Variants in FCHSD2 observed in about 807,000 individuals in gnomAD.
FCHSD2 encodes the protein F-BAR and double SH3 domains protein 2.
In FCHSD2, 38 loss-of-function variants were observed where a neutral mutation model predicts 108.1. The observed-to-expected ratio is 0.35, with a 90% CI of 0.27 to 0.46. FCHSD2 has a LOEUF of 0.46. Among genes scored for constraint, FCHSD2 ranks in the 20% least tolerant of loss-of-function variants. FCHSD2 has a pLI of 1.00. For missense variants in FCHSD2, 751 were observed against 897.8 expected (o/e 0.84, Z 2.09); for synonymous variants, 279 against 314.7 (o/e 0.89, Z 1.20).
chr11:73,109,221 C>T (rs1860423747), intron 2 of FCHSD2, among the ~76,000 whole-genome samples: 1 of 152,002 alleles, frequency 6.6e-6, no homozygotes, highest in Admixed American at 6.6e-5. Context: ...TTTGTGGTTC[C>T]ATATATATTT....
chr11:73,107,340 ACC>A (rs1400820168), intron 2 of FCHSD2, among the ~76,000 whole-genome samples: 3 of 152,098 alleles, frequency 2.0e-5, no homozygotes, highest in Non-Finnish European at 4.4e-5. Context: ...GAGCTACCAC[ACC>A]TGGCCATTTT....
rs769447183 is a variant in FCHSD2 at position 73,000,966 on chromosome 11, T to C, written c.387+24A>G. ...TAGCACTGGGATATTAAAATGCATA[T>C]AAGAACAGAAATAAAAACAATACCC... On this transcript the variant is annotated intron_variant, in intron 5 of 19. Coordinates refer to ENST00000409418, the MANE Select transcript of FCHSD2 (RefSeq NM_014824.3). 41 of 1,577,604 alleles carry C rather than the reference T, an allele frequency of 2.6e-5. No individual in the cohort carries two copies. The highest frequency in any genetic ancestry group is 3.1e-5 in the Non-Finnish European group (36 of 1,158,714).
chr11:73,109,565 T>A (rs1860433067), intron 2 of FCHSD2, among the ~76,000 whole-genome samples: 1 of 152,238 alleles, frequency 6.6e-6, no homozygotes, highest in Non-Finnish European at 1.5e-5. Flanking sequence ...GCTAATTTCA[T>A]ATCCTGCAAA....
rs1240841908 is a variant in FCHSD2 at position 72,900,478 on chromosome 11, G to C, written c.924+2065C>G. 8.2e-6 allele frequency: 5 copies of C among 606,152 alleles called. No individual in the cohort carries two copies. In the Admixed American group the frequency reaches 1.2e-4, roughly 14 times the overall value. 37.5% of individuals were successfully genotyped at this position (606,152 alleles called of 1,614,324 possible). The stretch of plus-strand genomic sequence containing the variant: ...GTTGGGCTGGGAAAAAGTGAGATGA[G>C]AGTCACTGTTATTCTGATTTTTTCT... On this transcript the variant is annotated intron_variant, in intron 10 of 19. Transcript: ENST00000409418.
intron 3 of FCHSD2, among the ~76,000 whole-genome samples, chr11:73,065,307 C>T (rs183108949): frequency 1.3e-3 from 205 of 152,190 alleles, no homozygotes; most frequent in African/African-American, 4.4e-3. Context: ...AATTAAACAG[C>T]GCTTCATGCT....
At chr11:73,089,983 A>G (rs967842789) in intron 2 of FCHSD2, among the ~76,000 whole-genome samples, 1 of 152,184 alleles carries the variant, frequency 6.6e-6, no homozygotes, top group South Asian at 2.1e-4. Context: ...GTAATGGAAC[A>G]TAAGTAGACA....
At chr11:73,011,508 T>A (rs1857863329) in intron 4 of FCHSD2, among the ~76,000 whole-genome samples, 1 of 152,196 alleles carries the variant, frequency 6.6e-6, no homozygotes, top group Non-Finnish European at 1.5e-5. Flanking sequence ...TCTCTTGTGG[T>A]TTAGCCCTAG....
intron 3 of FCHSD2, among the ~76,000 whole-genome samples, chr11:73,065,643 A>G (rs1371761964): frequency 6.6e-6 from 1 of 152,224 alleles, no homozygotes; most frequent in East Asian, 1.9e-4. Context: ...TAAGCTGATA[A>G]GCAACTTCAG....
intron 13 of FCHSD2, among the ~76,000 whole-genome samples, chr11:72,859,529 A>C (rs1158370803): frequency 1.3e-5 from 2 of 152,178 alleles, no homozygotes; most frequent in African/African-American, 4.8e-5. Context: ...CTCATATATA[A>C]ATTAGCTTTA....
chr11:72,919,795 A>G (rs1002256455), intron 9 of FCHSD2, among the ~76,000 whole-genome samples: 2 of 151,604 alleles, frequency 1.3e-5, no homozygotes, highest in Non-Finnish European at 3.0e-5. Context: ...TAAAAATACA[A>G]TTTATAATAA....
chr11:72,984,932 TC>T (rs1857283197), intron 7 of FCHSD2, 129 bp downstream of exon 7: 2 of 519,698 alleles, frequency 3.8e-6, no homozygotes, highest in African/African-American at 4.1e-5. Flanking sequence ...GGAAAGTTCC[TC>T]CCTGAGTCAG....
chr11:72,932,275 G>A (rs1292269528), intron 8 of FCHSD2, among the ~76,000 whole-genome samples: 1 of 152,020 alleles, frequency 6.6e-6, no homozygotes, highest in Non-Finnish European at 1.5e-5. Flanking sequence ...ATCTTCTGTT[G>A]CCCTGCATCC....
At position 73,109,433 on chromosome 11, in the gene FCHSD2, TTTCAC is replaced by T. The variant is rs1024671969; in HGVS notation, c.120-25698_120-25694del. ...TTTTATAGTTTTCATTGCAGAGATC[TTTCAC>T]TTCATCAGTTAATTCATAGGCATTT... On this transcript the variant is annotated intron_variant, in intron 2 of 19. Coordinates refer to ENST00000409418, the MANE Select transcript of FCHSD2 (RefSeq NM_014824.3). Among the ~76,000 whole-genome samples the T allele has an allele frequency of 1.4e-4, 21 of 152,308 alleles. 1 individual carries two copies. The highest frequency in any genetic ancestry group is 4.8e-4 in the African/African-American group (20 of 41,564).
intron 13 of FCHSD2, among the ~76,000 whole-genome samples, chr11:72,852,057 T>TG (rs753231172): frequency 2.0e-5 from 3 of 151,548 alleles, no homozygotes; most frequent in Non-Finnish European, 4.4e-5. Flanking sequence ...TTGTTTTTGG[T>TG]GTTTTTTTTT....
intron 9 of FCHSD2, among the ~76,000 whole-genome samples, chr11:72,920,068 GA>G (rs1855949616): frequency 6.6e-6 from 1 of 151,900 alleles, no homozygotes; most frequent in Non-Finnish European, 1.5e-5. Context: ...GATCTAAATA[GA>G]AAAAGAAGCT....
At chr11:73,093,321 T>C (rs772585209) in intron 2 of FCHSD2, among the ~76,000 whole-genome samples, 12 of 152,172 alleles carry the variant, frequency 7.9e-5, no homozygotes, top group African/African-American at 9.7e-5. Context: ...AAACTTTCAG[T>C]GAGCTCTGAG....
At chr11:73,077,271 C>T (rs1737012064) in intron 3 of FCHSD2, among the ~76,000 whole-genome samples, 1 of 151,474 alleles carries the variant, frequency 6.6e-6, no homozygotes, top group African/African-American at 2.4e-5. Context: ...AACACCTCAC[C>T]ACAGAATATA....
chr11:72,967,314 A>G (rs966562778), intron 8 of FCHSD2, among the ~76,000 whole-genome samples: 9 of 152,144 alleles, frequency 5.9e-5, no homozygotes. Flanking sequence ...AATAGATGAG[A>G]ATAGAGATAG....
At chr11:72,990,298 T>C (rs1447051432) in intron 5 of FCHSD2, among the ~76,000 whole-genome samples, 3 of 152,264 alleles carry the variant, frequency 2.0e-5, no homozygotes, top group Middle Eastern at 6.8e-3. Flanking sequence ...TTAGGCAACA[T>C]TGCTTACAAA....
Sources: allele counts gnomAD v4.1 joint callset (sites outside exome capture counted in the v4.1 genomes callset), GRCh38; gene constraint gnomAD v4.1.1; transcripts MANE v1.5; gene names NCBI Gene and HGNC (gene_info 2026-07-23, HGNC 2026-07-21).